Variants in CTNNA3 observed in about 807,000 individuals in gnomAD.
CTNNA3 encodes the protein catenin alpha 3.
CTNNA3 carries 76 observed loss-of-function variants against 95.7 expected under a neutral mutation model. That is an observed-to-expected ratio of 0.79 (90% confidence interval 0.66 to 0.96). The LOEUF (loss-of-function observed/expected upper bound fraction) is 0.96, where lower values mean the gene tolerates loss of function less well. Among genes scored for constraint, CTNNA3 ranks in the 40% least tolerant of loss-of-function variants. The probability of loss-of-function intolerance (pLI) is 0.00; values close to 1 mark genes in which losing one functional copy is unlikely to be tolerated. For synonymous variants in CTNNA3, 431 were observed against 374.4 expected (o/e 1.15, Z -1.74); for missense variants, 1,191 against 1,089.8 (o/e 1.09, Z -1.31).
intron 10 of CTNNA3, among the ~76,000 whole-genome samples, chr10:66,521,989 T>G (rs1329195293): frequency 4.6e-5 from 7 of 152,214 alleles, no homozygotes; most frequent in Non-Finnish European, 1.0e-4. Context: ...TCAACTTTAA[T>G]TTTTTAGTCA....
chr10:66,278,022 C>T (rs2091428507), intron 13 of CTNNA3, among the ~76,000 whole-genome samples: 1 of 151,196 alleles, frequency 6.6e-6, no homozygotes, highest in South Asian at 2.1e-4. Context: ...GAAGCTAAGA[C>T]TCTACATTTC....
At chr10:66,579,217 C>T (rs983007188) in intron 10 of CTNNA3, among the ~76,000 whole-genome samples, 6 of 151,618 alleles carry the variant, frequency 4.0e-5, no homozygotes, top group Admixed American at 6.6e-5. Flanking sequence ...TTATTTGGTT[C>T]TTCTCCTTTT....
intron 7 of CTNNA3, among the ~76,000 whole-genome samples, chr10:66,951,900 A>T (rs1848557405): frequency 6.6e-6 from 1 of 152,186 alleles, no homozygotes; most frequent in Non-Finnish European, 1.5e-5. Context: ...GTCCAGCCCT[A>T]AAATAACAGT....
intron 7 of CTNNA3, among the ~76,000 whole-genome samples, chr10:67,047,452 A>T (rs1366425495): frequency 1.3e-5 from 2 of 152,132 alleles, no homozygotes; most frequent in Non-Finnish European, 2.9e-5. Flanking sequence ...TAAGGAAAGG[A>T]GTCGGAGGGA....
chr10:66,660,742 A>G (rs1846234157), intron 9 of CTNNA3, among the ~76,000 whole-genome samples: 1 of 152,144 alleles, frequency 6.6e-6, no homozygotes, highest in South Asian at 2.1e-4. Flanking sequence ...AACTCAGAGA[A>G]GTCTTCCTTC....
intron 5 of CTNNA3, among the ~76,000 whole-genome samples, chr10:67,305,051 C>T (rs543574173): frequency 1.1e-4 from 16 of 152,014 alleles, no homozygotes; most frequent in East Asian, 3.9e-4. Flanking sequence ...CCGAGGTGGG[C>T]GGATCACGAA....
At chr10:67,564,663 A>ATG (rs1201263970) in intron 3 of CTNNA3, among the ~76,000 whole-genome samples, 1,963 of 95,264 alleles carry the variant, frequency 0.021, 77 homozygotes, top group Non-Finnish European at 0.026. Context: ...ATATGCATAT[A>ATG]TGTGTGTGTG....
At chr10:67,122,013 A>AG in intron 7 of CTNNA3, among the ~76,000 whole-genome samples, 1 of 131,726 alleles carries the variant, frequency 7.6e-6, no homozygotes, top group Admixed American at 7.7e-5. Flanking sequence ...AAAAAAGCTG[A>AG]GGGCCAGATT....
At chr10:66,384,658 G>A (rs549285162) in intron 11 of CTNNA3, among the ~76,000 whole-genome samples, 9 of 152,034 alleles carry the variant, frequency 5.9e-5, no homozygotes, top group East Asian at 3.9e-4. Flanking sequence ...TCACCACATC[G>A]CATTTATTCT....
At chr10:66,007,871 C>T (rs2078929866) in intron 15 of CTNNA3, among the ~76,000 whole-genome samples, 1 of 150,716 alleles carries the variant, frequency 6.6e-6, no homozygotes, top group African/African-American at 2.4e-5. Flanking sequence ...ACTTCCCCTC[C>T]TTCCTTCCTG....
In CTNNA3 at chr10:66,090,599, G is replaced by A. The variant is rs112975848; in HGVS notation, c.1977+12558C>T. On this transcript the variant is annotated intron_variant, in intron 14 of 17. Transcript: ENST00000433211. ...AGTGGCAAAGTCTGATTCAAACATAGGAGTCTAGCTCCAGAAATTGTGCTC... is the reference window on the plus strand; with the variant it reads ...AGTGGCAAAGTCTGATTCAAACATAAGAGTCTAGCTCCAGAAATTGTGCTC... Among the ~76,000 whole-genome samples the A allele has an allele frequency of 1.6e-3, 244 of 152,082 alleles. 1 individual carries two copies. The highest frequency in any genetic ancestry group is 6.8e-3 in the Middle Eastern group (2 of 294).
chr10:66,448,442 G>A (rs531162375), intron 11 of CTNNA3, among the ~76,000 whole-genome samples: 127 of 152,220 alleles, frequency 8.3e-4, no homozygotes, highest in Non-Finnish European at 1.4e-3. Flanking sequence ...GTCCAACAGC[G>A]ATAGACTGGA....
intron 7 of CTNNA3, among the ~76,000 whole-genome samples, chr10:67,059,674 T>C (rs1015420394): frequency 6.6e-6 from 1 of 152,176 alleles, no homozygotes; most frequent in African/African-American, 2.4e-5. Context: ...GGTCAAGTGA[T>C]GGTTTCCCTG....
chr10:66,180,021 A>G (rs1353442881), intron 13 of CTNNA3, among the ~76,000 whole-genome samples: 1 of 152,146 alleles, frequency 6.6e-6, no homozygotes, highest in Non-Finnish European at 1.5e-5. Context: ...TGCTTTTAAA[A>G]CTTAAAAGTG....
At chr10:67,034,763 G>T (rs928879809) in intron 7 of CTNNA3, among the ~76,000 whole-genome samples, 1 of 152,138 alleles carries the variant, frequency 6.6e-6, no homozygotes, top group Admixed American at 6.6e-5. Flanking sequence ...TCTCTTTCAT[G>T]TAATATTAAA....
In CTNNA3 at chr10:65,919,696, A is replaced by G. The variant is rs2077053051; in HGVS notation, c.*634T>C. 1 of 152,298 alleles carries G rather than the reference A, an allele frequency of 6.6e-6. No individual in the cohort carries two copies. 9.4% of individuals were successfully genotyped at this position (152,298 alleles called of 1,614,324 possible). On this transcript the variant is annotated 3_prime_UTR_variant, in exon 18 of 18. Coordinates refer to ENST00000433211, the MANE Select transcript of CTNNA3 (RefSeq NM_013266.4). Reference sequence around the variant, plus strand: ...TAAGAAAGCATTTTATTAATAAACAAGGTTGACCTTCAAAATCCAGCAAGT... The same window carrying G: ...TAAGAAAGCATTTTATTAATAAACAGGGTTGACCTTCAAAATCCAGCAAGT...
intron 9 of CTNNA3, among the ~76,000 whole-genome samples, chr10:66,654,836 G>A (rs532223977): frequency 1.3e-5 from 2 of 152,092 alleles, no homozygotes; most frequent in African/African-American, 4.8e-5. Flanking sequence ...ACATTAGTAA[G>A]TGAAATAAGA....
intron 7 of CTNNA3, among the ~76,000 whole-genome samples, chr10:67,092,099 C>T (rs551799568): frequency 6.6e-6 from 1 of 151,882 alleles, no homozygotes; most frequent in Non-Finnish European, 1.5e-5. Context: ...AGGACTACAT[C>T]TAAAAAACTG....
chr10:67,339,770 T>A (rs1182145255), intron 5 of CTNNA3, among the ~76,000 whole-genome samples: 1 of 152,190 alleles, frequency 6.6e-6, no homozygotes, highest in Non-Finnish European at 1.5e-5. Flanking sequence ...ATAGATCAGA[T>A]GTAACATATC....
Sources: gnomAD v4.1 joint callset for allele counts (sites outside exome capture counted in the v4.1 genomes callset) on GRCh38, gnomAD v4.1.1 for gene constraint, MANE v1.5 for transcripts, NCBI Gene and HGNC (gene_info 2026-07-23, HGNC 2026-07-21) for gene names.